The following GPC1 variants were observed in gnomAD, a reference collection of about 807,000 sequenced individuals.
GPC1 encodes glypican 1, also known as glypican-1.
GPC1 carries 26 observed loss-of-function variants against 51.5 expected under a neutral mutation model. The ratio of observed to expected loss-of-function variants is 0.50; its 90% CI spans 0.37 to 0.70. The LOEUF (loss-of-function observed/expected upper bound fraction) is 0.70. Among genes scored for constraint, GPC1 ranks in the 30% least tolerant of loss-of-function variants. The pLI is 0.00. For missense variants in GPC1, 775 were observed against 800.5 expected (o/e 0.97, Z 0.38); for synonymous variants, 380 against 348.3 (o/e 1.09, Z -1.01).
In GPC1 at chr2:240,462,923, G is replaced by A. The variant is rs185799498; in HGVS notation, c.717+341G>A. ...GAGGAGACAGAAGAGAACAACATGCGTGGGGGCCGGGCAGGGTGGGGCCCC... is the reference window on the plus strand; with the variant it reads ...GAGGAGACAGAAGAGAACAACATGCATGGGGGCCGGGCAGGGTGGGGCCCC... On this transcript the variant is annotated intron_variant, in intron 3 of 8. Coordinates refer to ENST00000264039, the MANE Select transcript of GPC1 (RefSeq NM_002081.3). Among the ~76,000 whole-genome samples, 234 of 152,262 alleles carry A rather than the reference G, an allele frequency of 1.5e-3. 2 individuals carry two copies. The highest frequency in any genetic ancestry group is 5.4e-3 in the African/African-American group (226 of 41,570).
At chr2:240,463,544 C>T in intron 4 of GPC1, 32 bp downstream of exon 4, 1 of 1,604,526 alleles carries the variant, frequency 6.2e-7, no homozygotes, top group Non-Finnish European at 8.5e-7. Context: ...CGGCCTGGAA[C>T]TGTCTTGGGG....
intron 3 of GPC1, 141 bp downstream of exon 3, chr2:240,462,723 C>A: frequency 1.4e-6 from 1 of 712,320 alleles, no homozygotes; most frequent in Non-Finnish European, 2.2e-6. Context: ...AGCCTCAGTC[C>A]CTCCTGCATT....
chr2:240,457,014 C>T (rs1257870893), intron 1 of GPC1, among the ~76,000 whole-genome samples: 1 of 152,184 alleles, frequency 6.6e-6, no homozygotes, highest in Non-Finnish European at 1.5e-5. Context: ...CCCAACTCCC[C>T]CTCCAGCAGG....
intron 1 of GPC1, chr2:240,457,860 C>G (rs1409505165): frequency 8.6e-6 from 3 of 350,176 alleles, no homozygotes; most frequent in Non-Finnish European, 1.7e-5. Context: ...TGAGACAGGC[C>G]CCTGAGGCGG....
chr2:240,466,047 C>T lies in GPC1; in HGVS notation c.1445-11C>T, dbSNP rs1393673491. 21 of 1,588,070 alleles carry T rather than the reference C, an allele frequency of 1.3e-5. No individual in the cohort carries two copies. The highest frequency in any genetic ancestry group is 1.8e-5 in the Non-Finnish European group (21 of 1,158,916). On this transcript the variant is annotated splice_polypyrimidine_tract_variant and intron_variant, in intron 8 of 8. Transcript: ENST00000264039. Reference sequence around the variant, plus strand: ...GGGGACCTGCCTGCCGGAGCCTCCTCTCCTTCCCAGGTGACGACGGCAGCG... The same window carrying T: ...GGGGACCTGCCTGCCGGAGCCTCCTTTCCTTCCCAGGTGACGACGGCAGCG...
intron 1 of GPC1, among the ~76,000 whole-genome samples, chr2:240,437,855 T>TCCAC: frequency 6.6e-6 from 1 of 152,214 alleles, no homozygotes; most frequent in Non-Finnish European, 1.5e-5. Context: ...CTTCCTTGCA[T>TCCAC]CCACAGGCCA....
At chr2:240,458,908 G>T (rs2074193078) in intron 1 of GPC1, 122 bp from the exon 2 acceptor site, 1 of 844,604 alleles carries the variant, frequency 1.2e-6, no homozygotes. Context: ...CCCCCAGGCT[G>T]GCCCACCCCT....
chr2:240,465,865 C>G (rs560389372), intron 8 of GPC1, among the ~76,000 whole-genome samples, 193 bp from the exon 9 acceptor site: 43 of 152,324 alleles, frequency 2.8e-4, no homozygotes, highest in African/African-American at 1.0e-3. Flanking sequence ...GCTTTGGCTC[C>G]AGGGACCAAG....
chr2:240,458,258 T>A, intron 1 of GPC1: 2 of 330,912 alleles, frequency 6.0e-6, no homozygotes, highest in Non-Finnish European at 1.3e-5. Context: ...ACAGCAGGGC[T>A]GAGAGCTGAC....
At chr2:240,442,854 C>T (rs1407295311) in intron 1 of GPC1, among the ~76,000 whole-genome samples, 1 of 152,236 alleles carries the variant, frequency 6.6e-6, no homozygotes, top group Non-Finnish European at 1.5e-5. Flanking sequence ...GGGCTTAGAG[C>T]TCAGCACAGA....
chr2:240,465,351 T>C, intron 7 of GPC1, 122 bp from the exon 8 acceptor site: 2 of 1,334,442 alleles, frequency 1.5e-6, no homozygotes, highest in African/African-American at 2.9e-5. Flanking sequence ...GTGTGGGCTC[T>C]GCTCGGTCCC....
chr2:240,449,963 G>A (rs2074082817), intron 1 of GPC1: 1 of 464,794 alleles, frequency 2.2e-6, no homozygotes, highest in Non-Finnish European at 4.4e-6. Context: ...ACTGTGGAGA[G>A]ACATCGTTTC....
chr2:240,466,315 G>A lies in GPC1; in HGVS notation c.*25G>A. The A allele has an allele frequency of 1.5e-6, 2 of 1,303,032 alleles. No homozygotes were observed. The highest frequency in any genetic ancestry group is 2.2e-6 in the Non-Finnish European group (2 of 899,426). 80.7% of individuals were successfully genotyped at this position (1,303,032 alleles called of 1,614,324 possible). ...ACTGCCCCAAGGCCCCAGGGACAGA[G>A]GCCAAGGACTGACTTTGCCAAAAAT... is the stretch of plus-strand genomic sequence containing the variant. On this transcript the variant is annotated 3_prime_UTR_variant, in exon 9 of 9. Coordinates refer to ENST00000264039, the MANE Select transcript of GPC1 (RefSeq NM_002081.3).
chr2:240,452,932 C>A (rs1009949343), intron 1 of GPC1: 4 of 310,956 alleles, frequency 1.3e-5, no homozygotes, highest in Non-Finnish European at 2.6e-5. Context: ...CCCTTCCGCC[C>A]GGCCCCGCTC....
At chr2:240,458,329 C>T (rs1383051772) in intron 1 of GPC1, 22 of 273,990 alleles carry the variant, frequency 8.0e-5, no homozygotes, top group Non-Finnish European at 1.6e-4. Context: ...ATGGCAGTGC[C>T]GCTGTCACTG....
chr2:240,445,874 G>A (rs1373588646), intron 1 of GPC1, among the ~76,000 whole-genome samples: 3 of 152,304 alleles, frequency 2.0e-5, no homozygotes, highest in East Asian at 3.9e-4. Context: ...TCAGTATTAG[G>A]CCCGTTGCGG....
Position 240,464,837 on chromosome 2 carries a change from C to A in GPC1, c.1015-19C>A. Reference sequence around the variant, plus strand: ...GAGGGGCCCCACTACCCCCCAAGGACCCTGCAGTGTCTCTCCAGGTCATCC... The same window carrying A: ...GAGGGGCCCCACTACCCCCCAAGGAACCTGCAGTGTCTCTCCAGGTCATCC... On this transcript the variant is annotated intron_variant, in intron 5 of 8. Coordinates refer to ENST00000264039, the MANE Select transcript of GPC1 (RefSeq NM_002081.3). 6.4e-7 allele frequency: 1 copy of A among 1,560,824 alleles called. No homozygotes were observed. Among genetic ancestry groups the A allele is most frequent in the Non-Finnish European group, 8.7e-7 (1 of 1,151,864 alleles).
chr2:240,450,090 A>G, intron 1 of GPC1: 1 of 336,874 alleles, frequency 3.0e-6, no homozygotes, highest in African/African-American at 2.2e-5. Context: ...ATAACAATTC[A>G]TTGTTTATCT....
chr2:240,456,839 G>T, intron 1 of GPC1: 1 of 316,918 alleles, frequency 3.2e-6, no homozygotes. Context: ...CCTGGCGAGT[G>T]TACCTGTGTC....
Sources: allele counts gnomAD v4.1 joint callset (sites outside exome capture counted in the v4.1 genomes callset), GRCh38; gene constraint gnomAD v4.1.1; transcripts MANE v1.5; gene names NCBI Gene and HGNC (gene_info 2026-07-23, HGNC 2026-07-21).